Variants in EDA observed in about 807,000 individuals in gnomAD.
EDA encodes ectodysplasin A.
In EDA, 2 loss-of-function variants were observed where a neutral mutation model predicts 23.6. That is an observed-to-expected ratio of 0.08 (90% CI 0.03 to 0.27). The LOEUF (loss-of-function observed/expected upper bound fraction) is 0.27. Among genes scored for constraint, EDA ranks in the 10% least tolerant of loss-of-function variants. EDA has a pLI of 1.00. For missense variants in EDA, 229 were observed against 324.2 expected (o/e 0.71, Z 2.26); for synonymous variants, 131 against 132.0 (o/e 0.99, Z 0.05).
chrX:70,038,595 G>A lies in EDA; in HGVS notation c.*2986G>A, dbSNP rs1452409649. The A allele has an allele frequency of 1.8e-5, 2 of 111,102 alleles. No homozygotes were observed. The highest frequency in any genetic ancestry group is 2.9e-4 in the East Asian group (1 of 3,495). The allele number at this position is 111,102 out of a possible 1,213,427, so 9.2% of individuals were successfully genotyped here. On this transcript the variant is annotated 3_prime_UTR_variant, in exon 8 of 8. Coordinates refer to ENST00000374552, the MANE Select transcript of EDA (RefSeq NM_001399.5). ...AAAAGACAGCTGGCGGAGGCTGCTC[G>A]GCTACTGGTTACCTGGAGAAGTAGT...
At chrX:69,736,540 G>A (rs755316766) in intron 1 of EDA, among the ~76,000 whole-genome samples, 2 of 109,479 alleles carry the variant, frequency 1.8e-5, no homozygotes, top group Non-Finnish European at 3.8e-5. Context: ...TGTTGGCCAG[G>A]CTGCTCTCGA....
intron 1 of EDA, among the ~76,000 whole-genome samples, chrX:69,781,728 A>G (rs771370626): frequency 9.0e-6 from 1 of 111,480 alleles, no homozygotes; most frequent in Non-Finnish European, 1.9e-5. Flanking sequence ...AAAACAAAGT[A>G]TACTTGTATG....
rs771310959 is a variant in EDA, at chrX:69,742,149, A to G, written c.396+125445A>G. Reference sequence around the variant, plus strand: ...GCTGAGATAAGGGTATTTGAGGCCCAGTATTCTTGGCCATCCATGCCTTGG... The same window carrying G: ...GCTGAGATAAGGGTATTTGAGGCCCGGTATTCTTGGCCATCCATGCCTTGG... On this transcript the variant is annotated intron_variant, in intron 1 of 7. Transcript: ENST00000374552. Among the ~76,000 whole-genome samples, 6 of 111,904 alleles carry G rather than the reference A, an allele frequency of 5.4e-5. No homozygotes were observed. The East Asian group carries it at 1.4e-3, about 26-fold the overall frequency.
intron 1 of EDA, among the ~76,000 whole-genome samples, chrX:69,630,346 T>G (rs1017159055): frequency 1.8e-5 from 2 of 112,116 alleles, no homozygotes; most frequent in Non-Finnish European, 1.9e-5. Flanking sequence ...CTCTTACATT[T>G]CCAGTTAACC....
chrX:69,689,823 GATCTTCGTTACTTTCTTTCAACA>G (rs1206269406), intron 1 of EDA, among the ~76,000 whole-genome samples: 1 of 111,481 alleles, frequency 9.0e-6, no homozygotes, highest in African/African-American at 3.3e-5. Context: ...CATTTACTTA[GATCTTCGTTACTTTCTTTCAACA>G]ATATTTTGTA....
intron 1 of EDA, among the ~76,000 whole-genome samples, chrX:69,847,726 T>C (rs2017038659): frequency 9.0e-6 from 1 of 111,038 alleles, no homozygotes; most frequent in Non-Finnish European, 1.9e-5. Context: ...AGTTTCAGCT[T>C]TTTTTTTCCA....
intron 1 of EDA, among the ~76,000 whole-genome samples, chrX:69,761,049 T>A (rs1402151578): frequency 2.7e-5 from 3 of 110,699 alleles, no homozygotes; most frequent in Non-Finnish European, 5.7e-5. Context: ...GGGAACTAGA[T>A]GCAGGAACAA....
At chrX:69,763,138 A>G (rs1364637382) in intron 1 of EDA, among the ~76,000 whole-genome samples, 3 of 112,235 alleles carry the variant, frequency 2.7e-5, no homozygotes, top group African/African-American at 6.5e-5. Context: ...ACAACTTCCT[A>G]TGTCCTTTTA....
chrX:69,725,798 TA>T (rs1393071964), intron 1 of EDA, among the ~76,000 whole-genome samples: 1 of 112,489 alleles, frequency 8.9e-6, no homozygotes, highest in Non-Finnish European at 1.9e-5. Flanking sequence ...CAAGAAAATA[TA>T]GAAAGACTGG....
intron 1 of EDA, among the ~76,000 whole-genome samples, chrX:69,848,944 C>A (rs1224045234): frequency 9.0e-6 from 1 of 111,304 alleles, no homozygotes; most frequent in Non-Finnish European, 1.9e-5. Context: ...AATTTGTCAG[C>A]AGCACTCATT....
At chrX:69,692,945 A>G (rs749556567) in intron 1 of EDA, 1 of 111,952 alleles carries the variant, frequency 8.9e-6, no homozygotes, top group East Asian at 2.8e-4. Context: ...TCTTTAGACA[A>G]ATTAAAGTTA....
intron 1 of EDA, among the ~76,000 whole-genome samples, chrX:69,641,019 G>C (rs1443612310): frequency 9.0e-6 from 1 of 111,656 alleles, no homozygotes; most frequent in Non-Finnish European, 1.9e-5. Flanking sequence ...CAAAGCCTGG[G>C]ACCTGAAACA....
intron 1 of EDA, chrX:69,742,910 G>A (rs779316813): frequency 5.4e-5 from 6 of 110,983 alleles, no homozygotes; most frequent in Admixed American, 4.8e-4. Context: ...AGTTGTTTAA[G>A]GAAGAAGGAT....
intron 1 of EDA, among the ~76,000 whole-genome samples, chrX:69,812,937 T>C (rs973007059): frequency 8.9e-6 from 1 of 111,744 alleles, no homozygotes; most frequent in Non-Finnish European, 1.9e-5. Flanking sequence ...TTTTAGTTTT[T>C]GATGGTCATA....
intron 1 of EDA, among the ~76,000 whole-genome samples, chrX:69,826,139 T>C (rs1317529711): frequency 1.8e-5 from 2 of 111,573 alleles, no homozygotes; most frequent in Non-Finnish European, 3.8e-5. Context: ...AATTTTGGAA[T>C]AGGTGTGATG....
At chrX:69,926,464 G>A (rs962230407) in intron 1 of EDA, among the ~76,000 whole-genome samples, 1 of 111,805 alleles carries the variant, frequency 8.9e-6, no homozygotes, top group African/African-American at 3.3e-5. Flanking sequence ...TAATTGTGTG[G>A]TTTTCAGTGA....
chrX:69,784,552 C>G (rs1168030416), intron 1 of EDA, among the ~76,000 whole-genome samples: 3 of 99,441 alleles, frequency 3.0e-5, no homozygotes, highest in Non-Finnish European at 6.1e-5. Flanking sequence ...ATAGGGAATC[C>G]TTTCCCCATT....
At chrX:69,847,052 T>A (rs1240712916) in intron 1 of EDA, among the ~76,000 whole-genome samples, 1 of 111,996 alleles carries the variant, frequency 8.9e-6, no homozygotes, top group Non-Finnish European at 1.9e-5. Context: ...AGTTGATTGA[T>A]AAAAGAATCA....
intron 1 of EDA, chrX:69,937,676 C>G: frequency 9.0e-7 from 1 of 1,113,102 alleles, no homozygotes; most frequent in Non-Finnish European, 1.2e-6. Context: ...TTGTTAGTAG[C>G]TCTATAGAGT....
Sources: gnomAD v4.1 joint callset for allele counts (sites outside exome capture counted in the v4.1 genomes callset) on GRCh38, gnomAD v4.1.1 for gene constraint, MANE v1.5 for transcripts, NCBI Gene and HGNC (gene_info 2026-07-23, HGNC 2026-07-21) for gene names.